DGKB: variants seen among roughly 807,000 people sequenced by gnomAD.
DGKB encodes 90 kDa diacylglycerol kinase.
Under a neutral mutation model 114.3 loss-of-function variants are expected in DGKB, and 67 were observed. The ratio of observed to expected loss-of-function variants is 0.59; its 90% CI spans 0.48 to 0.72. The LOEUF is 0.72. DGKB is among the 30% of genes least tolerant of loss of function. The probability of loss-of-function intolerance (pLI) is 0.00; values close to 1 mark genes in which losing one functional copy is unlikely to be tolerated. For missense variants in DGKB, 907 were observed against 975.2 expected (o/e 0.93, Z 0.93); for synonymous variants, 398 against 323.1 (o/e 1.23, Z -2.49).
chr7:14,531,091 A>G (rs558259293), intron 20 of DGKB, among the ~76,000 whole-genome samples: 5 of 151,638 alleles, frequency 3.3e-5, no homozygotes, highest in African/African-American at 1.2e-4. Context: ...TGTTTCTCCA[A>G]ATACACTTAT....
At chr7:14,882,314 C>G (rs1402467465) in intron 1 of DGKB, among the ~76,000 whole-genome samples, 2 of 152,012 alleles carry the variant, frequency 1.3e-5, no homozygotes, top group African/African-American at 4.8e-5. Context: ...TCTTGGATTT[C>G]ACACAAGGAC....
intron 25 of DGKB, among the ~76,000 whole-genome samples, chr7:14,167,643 T>TG: frequency 6.6e-6 from 1 of 152,290 alleles, no homozygotes; most frequent in Non-Finnish European, 1.5e-5. Context: ...GAGCTGCATT[T>TG]GGGGGTATAT....
At chr7:14,647,866 T>C (rs1813417180) in intron 13 of DGKB, among the ~76,000 whole-genome samples, 1 of 152,026 alleles carries the variant, frequency 6.6e-6, no homozygotes, top group Admixed American at 6.5e-5. Flanking sequence ...CCTTTCTGAG[T>C]CAAAGAAAGG....
intron 12 of DGKB, among the ~76,000 whole-genome samples, chr7:14,679,633 G>A (rs1276398970): frequency 6.6e-6 from 1 of 152,060 alleles, no homozygotes; most frequent in Non-Finnish European, 1.5e-5. Context: ...AGCACTGGCA[G>A]TGCCATATCC....
intron 1 of DGKB, among the ~76,000 whole-genome samples, chr7:14,879,764 T>C (rs193044852): frequency 6.6e-6 from 1 of 152,302 alleles, no homozygotes; most frequent in East Asian, 1.9e-4. Context: ...AATCTTTCCT[T>C]ATAAGACTTT....
rs192382274 is a variant in DGKB at position 14,241,252 on chromosome 7, T to C, written c.2123-63101A>G. ...ACAATAGAAAAAACAACCAGCAGCC[T>C]AATTTACATTGAGTAGTCCAAACAT... On this transcript the variant is annotated intron_variant, in intron 23 of 25. Transcript: ENST00000402815. 2.5e-3 allele frequency among the ~76,000 whole-genome samples: 377 copies of C among 152,262 alleles called. 2 individuals carry two copies. Among genetic ancestry groups the C allele is most frequent in the African/African-American group, 8.7e-3 (361 of 41,580 alleles).
intron 13 of DGKB, among the ~76,000 whole-genome samples, chr7:14,652,580 A>G (rs1387855799): frequency 6.6e-6 from 1 of 151,848 alleles, no homozygotes; most frequent in Non-Finnish European, 1.5e-5. Context: ...CATTCGGGAC[A>G]TAGGCATGGG....
intron 20 of DGKB, among the ~76,000 whole-genome samples, chr7:14,499,897 C>G (rs1253698346): frequency 6.6e-6 from 1 of 151,736 alleles, no homozygotes; most frequent in African/African-American, 2.4e-5. Context: ...GTGAATCAGA[C>G]CCGTGGCTCA....
At chr7:14,193,135 T>C (rs1238236999) in intron 23 of DGKB, among the ~76,000 whole-genome samples, 2 of 151,406 alleles carry the variant, frequency 1.3e-5, no homozygotes, top group South Asian at 2.1e-4. Context: ...CATACGCCTG[T>C]TTGTGGCCTG....
At chr7:14,944,370 T>C (rs1394843229) in intron 1 of DGKB, among the ~76,000 whole-genome samples, 1 of 151,910 alleles carries the variant, frequency 6.6e-6, no homozygotes, top group East Asian at 1.9e-4. Flanking sequence ...GTGAAGAGAA[T>C]AGAAGGCAGT....
chr7:14,421,726 A>C (rs896172547), intron 21 of DGKB, among the ~76,000 whole-genome samples: 1 of 152,080 alleles, frequency 6.6e-6, no homozygotes, highest in Non-Finnish European at 1.5e-5. Context: ...AGTGATGATA[A>C]TGGAAAGCAA....
chr7:14,603,475 G>A (rs1036859745), intron 17 of DGKB, among the ~76,000 whole-genome samples: 2 of 151,926 alleles, frequency 1.3e-5, no homozygotes, highest in South Asian at 2.1e-4. Flanking sequence ...AATAAAATAT[G>A]GTAGAAATTT....
chr7:14,367,423 G>A (rs542445651), intron 21 of DGKB, among the ~76,000 whole-genome samples: 4 of 152,014 alleles, frequency 2.6e-5, no homozygotes, highest in African/African-American at 9.6e-5. Context: ...GAGATCCCCT[G>A]CACACACTCT....
At chr7:14,534,872 G>C (rs1020306850) in intron 20 of DGKB, among the ~76,000 whole-genome samples, 1 of 152,092 alleles carries the variant, frequency 6.6e-6, no homozygotes, top group Non-Finnish European at 1.5e-5. Flanking sequence ...AACAAATATA[G>C]AAATCAATTG....
chr7:14,595,110 T>C (rs751453394), intron 17 of DGKB, among the ~76,000 whole-genome samples: 10 of 152,164 alleles, frequency 6.6e-5, no homozygotes, highest in Admixed American at 2.6e-4. Flanking sequence ...TGGAGACATA[T>C]GAGTTGAATC....
At chr7:14,209,725 A>C (rs1442553012) in intron 23 of DGKB, among the ~76,000 whole-genome samples, 1 of 152,104 alleles carries the variant, frequency 6.6e-6, no homozygotes, top group Non-Finnish European at 1.5e-5. Context: ...CTTCAGACAT[A>C]AGTTAATAAA....
chr7:14,180,446 G>C (rs1323659423), intron 23 of DGKB, among the ~76,000 whole-genome samples: 1 of 152,068 alleles, frequency 6.6e-6, no homozygotes, highest in Non-Finnish European at 1.5e-5. Flanking sequence ...CAATTCTGCT[G>C]TTAATAATCA....
intron 1 of DGKB, among the ~76,000 whole-genome samples, chr7:14,855,554 A>G (rs1850024868): frequency 6.6e-6 from 1 of 152,026 alleles, no homozygotes; most frequent in Non-Finnish European, 1.5e-5. Flanking sequence ...CACAATACAT[A>G]CATACCCCCA....
At chr7:14,441,077 C>T (rs1405083860) in intron 21 of DGKB, among the ~76,000 whole-genome samples, 1 of 151,974 alleles carries the variant, frequency 6.6e-6, no homozygotes, top group African/African-American at 2.4e-5. Context: ...AGTACAGCGG[C>T]ATGATCCTGC....
Sources: allele counts gnomAD v4.1 joint callset (sites outside exome capture counted in the v4.1 genomes callset), GRCh38; gene constraint gnomAD v4.1.1; transcripts MANE v1.5; gene names NCBI Gene and HGNC (gene_info 2026-07-23, HGNC 2026-07-21).